TMC1: variants seen among roughly 807,000 people sequenced by gnomAD.
The protein encoded by TMC1 is transmembrane channel like 1.
A neutral mutation model predicts 105.8 loss-of-function variants in TMC1; 84 were observed. That is an observed-to-expected ratio of 0.79 (90% CI 0.67 to 0.95). TMC1 has a LOEUF of 0.95. TMC1 is among the 40% of genes least tolerant of loss of function. The pLI, the probability that TMC1 is intolerant of heterozygous loss-of-function variation, is 0.00. For missense variants in TMC1, 817 were observed against 914.1 expected (o/e 0.89, Z 1.37); for synonymous variants, 315 against 311.5 (o/e 1.01, Z -0.12).
Position 72,573,535 on chromosome 9 carries a change from C to G in TMC1, c.-427-4367C>G, listed in dbSNP as rs1290554181. ...GCAATTGTTAAGTCCTGTGCGTAAA[C>G]TTTGGAAGAGAACATACCTTGCTTT... On this transcript the variant is annotated intron_variant, in intron 1 of 23. Transcript: ENST00000297784. 2.6e-5 allele frequency among the ~76,000 whole-genome samples: 4 copies of G among 152,314 alleles called. No homozygotes were observed. The East Asian group carries it at 7.7e-4, about 29-fold the overall frequency.
intron 13 of TMC1, among the ~76,000 whole-genome samples, chr9:72,777,702 A>C (rs1311887895): frequency 6.6e-6 from 1 of 152,252 alleles, no homozygotes; most frequent in Non-Finnish European, 1.5e-5. Flanking sequence ...GTCTTCTTGC[A>C]AGCATGGACT....
At chr9:72,544,201 G>A (rs143145352) in intron 1 of TMC1, among the ~76,000 whole-genome samples, 1,817 of 151,826 alleles carry the variant, frequency 0.012, 25 homozygotes, top group African/African-American at 0.033. Context: ...CACCCGCCTC[G>A]GCCTCCCAAA....
At chr9:72,596,509 A>G (rs989977067) in intron 2 of TMC1, among the ~76,000 whole-genome samples, 14 of 148,654 alleles carry the variant, frequency 9.4e-5, no homozygotes, top group African/African-American at 3.2e-4. Flanking sequence ...GACTTCAACA[A>G]TTGGGACTAT....
At chr9:72,677,582 G>A (rs1013054307) in intron 5 of TMC1, among the ~76,000 whole-genome samples, 3 of 152,148 alleles carry the variant, frequency 2.0e-5, no homozygotes, top group African/African-American at 7.2e-5. Flanking sequence ...CTGGCAAGGA[G>A]TAAGTGCTCC....
chr9:72,772,721 A>C (rs1400286277), intron 13 of TMC1, among the ~76,000 whole-genome samples, 166 bp downstream of exon 13: 1 of 152,210 alleles, frequency 6.6e-6, no homozygotes, highest in Non-Finnish European at 1.5e-5. Flanking sequence ...TTAGACTATT[A>C]CATCTTCAAA....
chr9:72,741,353 CT>C, intron 9 of TMC1: 1 of 392,884 alleles, frequency 2.5e-6, no homozygotes, highest in Non-Finnish European at 4.8e-6. Flanking sequence ...GCTTATTCTT[CT>C]TTGGAGTGGT....
intron 5 of TMC1, among the ~76,000 whole-genome samples, chr9:72,649,215 G>A (rs1245577128): frequency 6.6e-6 from 1 of 152,208 alleles, no homozygotes; most frequent in African/African-American, 2.4e-5. Context: ...GCTGTGACTT[G>A]CCATAGGGTG....
chr9:72,549,443 G>GTT (rs911845896), intron 1 of TMC1, among the ~76,000 whole-genome samples: 5 of 147,632 alleles, frequency 3.4e-5, no homozygotes, highest in African/African-American at 1.2e-4. Context: ...AATTTTATGT[G>GTT]TTTTTTTTTT....
intron 12 of TMC1, among the ~76,000 whole-genome samples, chr9:72,771,473 G>A (rs1399642890): frequency 6.6e-6 from 1 of 152,106 alleles, no homozygotes; most frequent in Non-Finnish European, 1.5e-5. Context: ...AAGTCCCTGG[G>A]TTCGTATAAA....
In TMC1 at chr9:72,751,910, A is replaced by T. The variant is rs756960425; in HGVS notation, c.596A>T (p.Asn199Ile). The T allele has an allele frequency of 2.5e-6, 4 of 1,613,712 alleles. No individual in the cohort carries two copies. In the South Asian group the frequency reaches 4.4e-5, roughly 18 times the overall value. The part of the protein sequence containing the change: ...FLFLRWMYGV[N>I]MVLFILTFSL... ...TTCTTGAGATGGATGTATGGAGTCA[A>T]TATGGTTCTCTTTATCCTGACATTT... Residue 199 changes from asparagine to isoleucine, a missense_variant, in exon 11 of 24, where the codon AAT (asparagine) becomes ATT (isoleucine). Asn to Ile is a moderately radical substitution (Grantham distance 149). Transcript: ENST00000297784.
At chr9:72,680,773 T>A (rs1826273617) in intron 5 of TMC1, among the ~76,000 whole-genome samples, 1 of 152,166 alleles carries the variant, frequency 6.6e-6, no homozygotes. Flanking sequence ...TGTATGCTAA[T>A]GAGCAATAAT....
At chr9:72,777,942 A>G (rs1409442340) in intron 13 of TMC1, among the ~76,000 whole-genome samples, 1 of 152,238 alleles carries the variant, frequency 6.6e-6, no homozygotes, top group African/African-American at 2.4e-5. Context: ...ATGACAATTC[A>G]TGTATTCATT....
chr9:72,592,975 T>C (rs1381712368), intron 2 of TMC1, among the ~76,000 whole-genome samples: 1 of 152,228 alleles, frequency 6.6e-6, no homozygotes, highest in Non-Finnish European at 1.5e-5. Flanking sequence ...TTATCTTGAC[T>C]AGGCTCAGGG....
intron 2 of TMC1, among the ~76,000 whole-genome samples, chr9:72,581,631 A>G (rs778962830): frequency 2.6e-4 from 40 of 152,210 alleles, no homozygotes; most frequent in Non-Finnish European, 4.9e-4. Context: ...TTCTCCTCAA[A>G]TATCAAATAT....
chr9:72,565,160 G>A (rs904620363), intron 1 of TMC1, among the ~76,000 whole-genome samples: 2 of 152,120 alleles, frequency 1.3e-5, no homozygotes, highest in Non-Finnish European at 2.9e-5. Flanking sequence ...ATATTGTACT[G>A]TTACTAAACA....
intron 1 of TMC1, among the ~76,000 whole-genome samples, chr9:72,527,697 G>A (rs1296149586): frequency 6.6e-6 from 1 of 152,108 alleles, no homozygotes; most frequent in African/African-American, 2.4e-5. Flanking sequence ...TGTTTGTTCC[G>A]TCCCTGGTTT....
rs1825380910 is a variant in TMC1 at position 72,628,014 on chromosome 9, T to G, written c.-102T>G. On this transcript the variant is annotated 5_prime_UTR_variant, in exon 4 of 24. Coordinates refer to ENST00000297784, the MANE Select transcript of TMC1 (RefSeq NM_138691.3). ...AACTTTGAGCCTGTGGGGAAGGAAC[T>G]GTCCACGTGGAGTGGTCTGGTGAAT... is the stretch of plus-strand genomic sequence containing the variant. 2.2e-6 allele frequency: 1 copy of G among 455,744 alleles called. No homozygotes were observed. The highest frequency in any genetic ancestry group is 2.0e-5 in the African/African-American group (1 of 50,058). The allele number at this position is 455,744 out of a possible 1,614,324, so 28.2% of individuals were successfully genotyped here.
intron 1 of TMC1, among the ~76,000 whole-genome samples, chr9:72,569,264 A>G (rs879535688): frequency 6.6e-6 from 1 of 152,160 alleles, no homozygotes; most frequent in African/African-American, 2.4e-5. Flanking sequence ...TAATGAGAGG[A>G]AAAAAAGTCT....
At chr9:72,708,103 A>G (rs1402673927) in intron 8 of TMC1, among the ~76,000 whole-genome samples, 2 of 152,114 alleles carry the variant, frequency 1.3e-5, no homozygotes, top group Non-Finnish European at 2.9e-5. Flanking sequence ...TGGGTTCTCT[A>G]TTCTATTCCA....
Sources: allele counts gnomAD v4.1 joint callset (sites outside exome capture counted in the v4.1 genomes callset), GRCh38; gene constraint gnomAD v4.1.1; transcripts MANE v1.5; gene names NCBI Gene and HGNC (gene_info 2026-07-23, HGNC 2026-07-21).